The following OSBPL3 variants were observed in gnomAD, a reference collection of about 807,000 sequenced individuals.
OSBPL3 encodes the protein oxysterol binding protein like 3, also known as oxysterol-binding protein-related protein 3.
OSBPL3 carries 65 observed loss-of-function variants against 120.1 expected under a neutral mutation model. The ratio of observed to expected loss-of-function variants is 0.54; its 90% confidence interval spans 0.44 to 0.67. OSBPL3 has a LOEUF of 0.67. OSBPL3 is among the 30% of genes least tolerant of loss of function. OSBPL3 has a pLI of 0.00. For synonymous variants in OSBPL3, 416 were observed against 402.6 expected (o/e 1.03, Z -0.40); for missense variants, 1,004 against 1,082.1 (o/e 0.93, Z 1.01).
chr7:24,943,235 A>C (rs1189059943), intron 1 of OSBPL3, among the ~76,000 whole-genome samples: 1 of 152,184 alleles, frequency 6.6e-6, no homozygotes, highest in African/African-American at 2.4e-5. Flanking sequence ...CATGCCCAGT[A>C]CACTGGCTGG....
In OSBPL3 at chr7:24,937,627, G is replaced by A. The variant is rs1413274489; in HGVS notation, c.-150+42259C>T. Among the ~76,000 whole-genome samples, 5 of 152,126 alleles carry A rather than the reference G, an allele frequency of 3.3e-5. No individual in the cohort carries two copies. Among genetic ancestry groups the A allele is most frequent in the African/African-American group, 9.7e-5 (4 of 41,416 alleles). On this transcript the variant is annotated intron_variant, in intron 1 of 22. Coordinates refer to ENST00000313367, the MANE Select transcript of OSBPL3 (RefSeq NM_015550.4). This position sits in a 1 kb window ranked among gnomAD's most constrained non-coding sequence, Gnocchi z 4.0. ...GCATACATGAGACGTCCCAATACAT[G>A]TGCCACACTTTTACATATCTGGAAA...
At position 24,902,239 on chromosome 7, in the gene OSBPL3, TTTACTC is replaced by T. The variant is rs374024225; in HGVS notation, c.-149-9624_-149-9619del. ...TCCTGCACAACATCACAATAGGTAT[TTTACTC>T]TTTTAATCAGAAAAACACAAAGGAT... is the stretch of plus-strand genomic sequence containing the variant. On this transcript the variant is annotated intron_variant, in intron 1 of 22. Transcript: ENST00000313367. Among the ~76,000 whole-genome samples, 1,209 of 152,252 alleles carry T rather than the reference TTTACTC, an allele frequency of 7.9e-3. 24 individuals carry two copies. The highest frequency in any genetic ancestry group is 0.027 in the African/African-American group (1,128 of 41,546).
chr7:24,923,824 T>C (rs1445421497), intron 1 of OSBPL3, among the ~76,000 whole-genome samples: 1 of 152,094 alleles, frequency 6.6e-6, no homozygotes, highest in Non-Finnish European at 1.5e-5. Flanking sequence ...ACAGCAGTGC[T>C]TCCTGCTGCC....
At chr7:24,981,153 A>G (rs2074334), upstream of OSBPL3, among the ~76,000 whole-genome samples, 17,461 of 152,160 alleles carry the variant, frequency 0.11, 1,097 homozygotes, top group Middle Eastern at 0.19. The surrounding 1 kb of genome is among the most constrained non-coding windows in gnomAD (Gnocchi z 7.3). Context: ...GAGAAAATAC[A>G]TATCTATGCA....
rs769941174 is a variant in OSBPL3, at chr7:24,821,189, T to A, written c.1885-951A>T. 3.9e-5 allele frequency among the ~76,000 whole-genome samples: 6 copies of A among 152,204 alleles called. No individual in the cohort carries two copies. Among genetic ancestry groups the A allele is most frequent in the Non-Finnish European group, 8.8e-5 (6 of 68,036 alleles). ...ACAGAGGTGTCTTACATTGAGAGTA[T>A]CTAGCTCAAAGCCTGCACCTTATAA... On this transcript the variant is annotated intron_variant, in intron 16 of 22. Transcript: ENST00000313367. This position sits in a 1 kb window ranked among gnomAD's most constrained non-coding sequence, Gnocchi z 5.5.
rs1806734105 is a variant in OSBPL3 at position 24,899,896 on chromosome 7, G to GT, written c.-149-7276dup. On this transcript the variant is annotated intron_variant, in intron 1 of 22. Transcript: ENST00000313367. The surrounding 1 kb of genome is among the most constrained non-coding windows in gnomAD (Gnocchi z 4.0). ...TAGAGACGGGCCTGATAATCTGCAT[G>GT]TTTAACACATGCCCTGGGTGATTTT... Among the ~76,000 whole-genome samples the GT allele has an allele frequency of 6.6e-6, 1 of 152,194 alleles. No homozygotes were observed. Among genetic ancestry groups the GT allele is most frequent in the Non-Finnish European group, 1.5e-5 (1 of 68,038 alleles).
chr7:24,929,697 T>A (rs1811548243), intron 1 of OSBPL3, among the ~76,000 whole-genome samples: 1 of 152,194 alleles, frequency 6.6e-6, no homozygotes, highest in South Asian at 2.1e-4. Flanking sequence ...ATTTGCCAAA[T>A]CATGAACTTT....
Position 24,881,863 on chromosome 7 carries a change from A to T in OSBPL3, c.97-9794T>A, listed in dbSNP as rs1803733064. On this transcript the variant is annotated intron_variant, in intron 2 of 22. Coordinates refer to ENST00000313367, the MANE Select transcript of OSBPL3 (RefSeq NM_015550.4). The surrounding 1 kb of genome is among the most constrained non-coding windows in gnomAD (Gnocchi z 4.3). ...CTGGTGGCTGCCAGCATTCCATGGC[A>T]TGGCTTGGCTTGTAGCTGCATCACT... Among the ~76,000 whole-genome samples, 1 of 152,096 alleles carries T rather than the reference A, an allele frequency of 6.6e-6. No homozygotes were observed. The highest frequency in any genetic ancestry group is 1.5e-5 in the Non-Finnish European group (1 of 68,016).
rs758417381 is a variant in OSBPL3 at position 24,854,498 on chromosome 7, ACACG to A, written c.1028-1868_1028-1865del. On this transcript the variant is annotated intron_variant, in intron 10 of 22. Transcript: ENST00000313367. The surrounding 1 kb of genome is among the most constrained non-coding windows in gnomAD (Gnocchi z 4.1). ...AAGTCACAACAATTTGTACACACAC[ACACG>A]CACACACACACACACACACACACAC... Among the ~76,000 whole-genome samples the A allele has an allele frequency of 0.037, 2,776 of 75,598 alleles. 46 individuals carry two copies. The highest frequency in any genetic ancestry group is 0.13 in the South Asian group (271 of 2,140). 49.6% of individuals were successfully genotyped at this position (75,598 alleles called of 152,430 possible). A position where few individuals can be genotyped will look rare whatever the true frequency, so the allele number is the denominator to read the frequency against.
chr7:24,957,358 T>A (rs1381085733), intron 1 of OSBPL3, among the ~76,000 whole-genome samples: 3 of 152,176 alleles, frequency 2.0e-5, no homozygotes, highest in South Asian at 4.1e-4. Flanking sequence ...CAAAAACTTA[T>A]CAAGCCCTCA....
rs1212835996 is a variant in OSBPL3, at chr7:24,978,644, C to T, written c.-150+1242G>A. 3.9e-5 allele frequency among the ~76,000 whole-genome samples: 6 copies of T among 152,298 alleles called. No homozygotes were observed. The South Asian group carries it at 1.2e-3, about 32-fold the overall frequency. On this transcript the variant is annotated intron_variant, in intron 1 of 22. Transcript: ENST00000313367. ...CACCTTGTATGATACTTGCGGGGTA[C>T]AGTGCAGATGATGAGAAGCCAGGCC...
chr7:24,946,158 C>A lies in OSBPL3; in HGVS notation c.-150+33728G>T, dbSNP rs553247866. On this transcript the variant is annotated intron_variant, in intron 1 of 22. Transcript: ENST00000313367. This position sits in a 1 kb window ranked among gnomAD's most constrained non-coding sequence, Gnocchi z 4.3. ...GCTGGGAGCTCAGCTGGGAGCTCAGCTGGGGCTGCTGGCTGGGTCACCTAC... is the reference window on the plus strand; with the variant it reads ...GCTGGGAGCTCAGCTGGGAGCTCAGATGGGGCTGCTGGCTGGGTCACCTAC... 4.1e-5 allele frequency among the ~76,000 whole-genome samples: 6 copies of A among 147,706 alleles called. No homozygotes were observed. The East Asian group carries it at 1.0e-3, about 25-fold the overall frequency.
chr7:24,860,812 T>C (rs1361474680), intron 10 of OSBPL3, among the ~76,000 whole-genome samples: 3 of 152,238 alleles, frequency 2.0e-5, no homozygotes, highest in Non-Finnish European at 4.4e-5. Flanking sequence ...CCACAGTTTG[T>C]TTAACCATTC....
chr7:24,971,213 G>C (rs555312608), intron 1 of OSBPL3, among the ~76,000 whole-genome samples: 2 of 152,230 alleles, frequency 1.3e-5, no homozygotes, highest in Non-Finnish European at 2.9e-5. Flanking sequence ...GAGGCCGAAA[G>C]ACCTGACTGT....
intron 14 of OSBPL3, among the ~76,000 whole-genome samples, chr7:24,840,371 C>G (rs1378182438): frequency 1.3e-5 from 2 of 152,150 alleles, no homozygotes; most frequent in Admixed American, 6.5e-5. Context: ...TGAAGATGAC[C>G]AGGATGATGA....
intron 18 of OSBPL3, among the ~76,000 whole-genome samples, chr7:24,816,139 C>G (rs916056427): frequency 2.0e-5 from 3 of 152,210 alleles, no homozygotes; most frequent in Non-Finnish European, 4.4e-5. Context: ...ATCCTCCCAC[C>G]TCAGCCTCCT....
At chr7:24,800,700 AC>A (rs755824832) in intron 22 of OSBPL3, among the ~76,000 whole-genome samples, 2 of 151,764 alleles carry the variant, frequency 1.3e-5, no homozygotes, top group Non-Finnish European at 2.9e-5. Flanking sequence ...CAGGTGATCC[AC>A]CCACTTCGGA....
chr7:24,809,864 AT>A lies in OSBPL3; in HGVS notation c.2259del (p.Lys753AsnfsTer40). The A allele has an allele frequency of 6.2e-7, 1 of 1,614,098 alleles. No homozygotes were observed. Among genetic ancestry groups the A allele is most frequent in the Non-Finnish European group, 8.5e-7 (1 of 1,180,010 alleles). On this transcript the variant is annotated frameshift_variant, in exon 20 of 23. Coordinates refer to ENST00000313367, the MANE Select transcript of OSBPL3 (RefSeq NM_015550.4). LOFTEE classifies it high-confidence loss of function. Reference sequence around the variant, plus strand: ...CCGCCACAGTAGATGCTTTCATGCCATTTCCCAAACAGCCGATGAACCGCTT... The same window carrying A: ...CCGCCACAGTAGATGCTTTCATGCCATTCCCAAACAGCCGATGAACCGCTT... ...SGKAVHRLFGKWHESIYCGGG... is the reference protein window; with the variant it reads ...SGKAVHRLFGXWHESIYCGGG...
chr7:24,842,629 C>T (rs890695050), intron 12 of OSBPL3, among the ~76,000 whole-genome samples: 3 of 152,200 alleles, frequency 2.0e-5, no homozygotes, highest in African/African-American at 7.2e-5. Flanking sequence ...TATCACTTCT[C>T]ACACACATGC....
Sources: gnomAD v4.1 joint callset for allele counts (sites outside exome capture counted in the v4.1 genomes callset) on GRCh38, gnomAD v4.1.1 for gene constraint, Gnocchi (gnomAD v3.1) non-coding constraint, MANE v1.5 for transcripts, NCBI Gene and HGNC (gene_info 2026-07-23, HGNC 2026-07-21) for gene names.